MARCHF7: variants seen among roughly 807,000 people sequenced by gnomAD.
MARCHF7 encodes the protein E3 ubiquitin-protein ligase MARCHF7.
In MARCHF7, 20 loss-of-function variants were observed where a neutral mutation model predicts 76.5. That is an observed-to-expected ratio of 0.26 (90% CI 0.18 to 0.38). The LOEUF is 0.38. Ranked by LOEUF, MARCHF7 falls within the 10% of genes least tolerant of loss-of-function variation. The probability of loss-of-function intolerance (pLI) is 1.00; values close to 1 mark genes in which losing one functional copy is unlikely to be tolerated. For synonymous variants in MARCHF7, 295 were observed against 293.0 expected (o/e 1.01, Z -0.07); for missense variants, 797 against 812.9 (o/e 0.98, Z 0.24).
intron 1 of MARCHF7, among the ~76,000 whole-genome samples, chr2:159,714,171 A>C (rs62173022): frequency 2.0e-5 from 3 of 152,174 alleles, no homozygotes; most frequent in African/African-American, 7.2e-5. Flanking sequence ...TATCTGCTCT[A>C]TGTTCAAGAA....
chr2:159,755,717 T>G (rs1455120271), intron 8 of MARCHF7, among the ~76,000 whole-genome samples: 1 of 152,116 alleles, frequency 6.6e-6, no homozygotes, highest in Non-Finnish European at 1.5e-5. Flanking sequence ...TAGATCAGAT[T>G]TTAAATGTAC....
intron 4 of MARCHF7, among the ~76,000 whole-genome samples, chr2:159,734,817 G>GAAA (rs760907513): frequency 2.4e-4 from 13 of 55,272 alleles, no homozygotes; most frequent in African/African-American, 3.2e-4. Context: ...AAAATAAAAT[G>GAAA]AAAAAAAAAA....
chr2:159,764,163 TGTATACTTTTATCAAATTTAGGTAGG>T (rs912301674), intron 10 of MARCHF7, among the ~76,000 whole-genome samples: 2 of 151,962 alleles, frequency 1.3e-5, no homozygotes, highest in Non-Finnish European at 2.9e-5. Flanking sequence ...TGTATAGAAC[TGTATACTTTTATCAAATTTAGGTAGG>T]AAAATATTGG....
At chr2:159,749,197 C>T (rs1424276115) in intron 7 of MARCHF7, among the ~76,000 whole-genome samples, 1 of 151,922 alleles carries the variant, frequency 6.6e-6, no homozygotes, top group African/African-American at 2.4e-5. Context: ...AGGCTGGTCT[C>T]AAACTCCTGA....
At chr2:159,747,138 G>A (rs1704998396) in intron 6 of MARCHF7, among the ~76,000 whole-genome samples, 1 of 152,098 alleles carries the variant, frequency 6.6e-6, no homozygotes, top group Non-Finnish European at 1.5e-5. Context: ...CACCAGTTAA[G>A]GAATCCTTTG....
At position 159,759,260 on chromosome 2, in the gene MARCHF7, A is replaced by G. The variant is rs1262293146; in HGVS notation, c.1818A>G (p.Leu606=). The change falls in exon 9 of 12, where the codon CTA becomes CTG. Residue 606 remains leucine, a synonymous_variant. Coordinates refer to ENST00000409175, the MANE Select transcript of MARCHF7 (RefSeq NM_001282805.2). ...SSLEAVTTCE[L]CKEKLELNLE... Reference sequence around the variant, plus strand: ...TAGAAGCTGTAACCACCTGTGAACTATGTAAAGAGAAGTTGGAGCTTAACC... The same window carrying G: ...TAGAAGCTGTAACCACCTGTGAACTGTGTAAAGAGAAGTTGGAGCTTAACC... The G allele has an allele frequency of 1.9e-6, 3 of 1,610,952 alleles. No individual in the cohort carries two copies. Among genetic ancestry groups the G allele is most frequent in the East Asian group, 4.5e-5 (2 of 44,730 alleles).
Position 159,716,969 on chromosome 2 carries a change from C to A in MARCHF7, c.-15+1203C>A, listed in dbSNP as rs1250800663. On this transcript the variant is annotated intron_variant, in intron 3 of 11. Coordinates refer to ENST00000409175, the MANE Select transcript of MARCHF7 (RefSeq NM_001282805.2). ...AGTTCTAGGTGCCTGTTGGGCAGTT[C>A]TACTGATTTTGCCCGGGGCTTACTC... is the stretch of plus-strand genomic sequence containing the variant. Among the ~76,000 whole-genome samples, 4 of 152,296 alleles carry A rather than the reference C, an allele frequency of 2.6e-5. No homozygotes were observed. The South Asian group carries it at 8.3e-4, about 32-fold the overall frequency.
rs2125598106 is a variant in MARCHF7 at position 159,748,084 on chromosome 2, G to C, written c.794G>C (p.Arg265Thr). 6.2e-7 allele frequency: 1 copy of C among 1,614,130 alleles called. No individual in the cohort carries two copies. Among genetic ancestry groups the C allele is most frequent in the African/African-American group, 1.3e-5 (1 of 75,032 alleles). ...SNSERVVSSQ[R>T]PFQESSDNEG... ...TCAGAAAGGGTTGTTTCATCTCAAA[G>C]ACCATTTCAAGAATCTTCTGACAAT... Residue 265 changes from arginine to threonine, a missense_variant, in exon 7 of 12, where the codon AGA becomes ACA. Around this residue, in one of 3 missense-constraint regions of MARCHF7, gnomAD observed 643 missense variants for 631.5 expected, o/e 1.02. Transcript: ENST00000409175.
intron 1 of MARCHF7, among the ~76,000 whole-genome samples, chr2:159,713,015 G>C (rs1047621684): frequency 4.6e-5 from 7 of 152,218 alleles, no homozygotes; most frequent in Non-Finnish European, 8.8e-5. Flanking sequence ...TGCGGGCCGC[G>C]GGTGTCGCGC....
intron 4 of MARCHF7, among the ~76,000 whole-genome samples, chr2:159,741,891 C>G (rs142609689): frequency 1.3e-3 from 200 of 152,138 alleles, no homozygotes; most frequent in African/African-American, 4.6e-3. Flanking sequence ...ATCTGTGTTT[C>G]TTAGTTTATC....
At chr2:159,739,629 CTTTA>C (rs1373749780) in intron 4 of MARCHF7, among the ~76,000 whole-genome samples, 1 of 152,104 alleles carries the variant, frequency 6.6e-6, no homozygotes, top group Non-Finnish European at 1.5e-5. Context: ...GAATCTGACA[CTTTA>C]TTTAATTGTT....
At chr2:159,748,976 TTC>T (rs201297729) in intron 7 of MARCHF7, 73 bp downstream of exon 7, 43,431 of 721,976 alleles carry the variant, frequency 0.06, 899 homozygotes, top group South Asian at 0.16. Flanking sequence ...TTTTTTTCTT[TTC>T]TTTTTTTTTT....
rs540568375 is a variant in MARCHF7, at chr2:159,755,951, T to C, written c.1784-3275T>C. ...GGCACAAGAGGAGAAAGCAGTATCT[T>C]TTCTTCTAAGCTAGTCTGAGCTCAA... On this transcript the variant is annotated intron_variant, in intron 8 of 11. Coordinates refer to ENST00000409175, the MANE Select transcript of MARCHF7 (RefSeq NM_001282805.2). Among the ~76,000 whole-genome samples the C allele has an allele frequency of 8.5e-5, 13 of 152,258 alleles. 1 individual carries two copies. The South Asian group carries it at 2.5e-3, about 29-fold the overall frequency.
chr2:159,714,817 G>T (rs1418190636), intron 2 of MARCHF7, among the ~76,000 whole-genome samples: 1 of 152,168 alleles, frequency 6.6e-6, no homozygotes, highest in African/African-American at 2.4e-5. Context: ...TTGGGCTGCT[G>T]AGGCAGAACG....
chr2:159,751,101 C>T (rs1167069017), intron 7 of MARCHF7, among the ~76,000 whole-genome samples: 1 of 152,186 alleles, frequency 6.6e-6, no homozygotes, highest in Non-Finnish European at 1.5e-5. Context: ...TTGCTTGTTA[C>T]AGCAGCTTCC....
intron 4 of MARCHF7, chr2:159,733,877 A>G: frequency 8.3e-7 from 1 of 1,201,508 alleles, no homozygotes; most frequent in Non-Finnish European, 1.0e-6. Context: ...TAAGAATCCA[A>G]GATTCTGGAT....
chr2:159,729,266 G>A (rs1422471653), intron 4 of MARCHF7, 91 bp downstream of exon 4: 2 of 909,666 alleles, frequency 2.2e-6, no homozygotes, highest in African/African-American at 1.7e-5. Context: ...GTGTTAGCTG[G>A]ATCTGAGGCA....
At position 159,739,070 on chromosome 2, in the gene MARCHF7, G is replaced by C. The variant is rs565418552; in HGVS notation, c.154-3991G>C. Among the ~76,000 whole-genome samples, 6 of 152,320 alleles carry C rather than the reference G, an allele frequency of 3.9e-5. No individual in the cohort carries two copies. In the East Asian group the frequency reaches 1.2e-3, roughly 29 times the overall value. Reference sequence around the variant, plus strand: ...ACACCTGGATCGTGACAGTGCCCAAGCTTGGCCAAAACTTTGCTCCAAAAT... The same window carrying C: ...ACACCTGGATCGTGACAGTGCCCAACCTTGGCCAAAACTTTGCTCCAAAAT... On this transcript the variant is annotated intron_variant, in intron 4 of 11. Coordinates refer to ENST00000409175, the MANE Select transcript of MARCHF7 (RefSeq NM_001282805.2).
At chr2:159,750,675 CTTAAT>C (rs1180212077) in intron 7 of MARCHF7, among the ~76,000 whole-genome samples, 38 of 152,258 alleles carry the variant, frequency 2.5e-4, no homozygotes, top group Non-Finnish European at 2.9e-5. Context: ...CAGCCTGACT[CTTAAT>C]TTAGTCATCC....
Sources: allele counts gnomAD v4.1 joint callset (sites outside exome capture counted in the v4.1 genomes callset), GRCh38; gene constraint gnomAD v4.1.1; regional missense constraint gnomAD v4.1.1; transcripts MANE v1.5; gene names NCBI Gene and HGNC (gene_info 2026-07-23, HGNC 2026-07-21).